The following TNR variants were observed in gnomAD, a reference collection of about 807,000 sequenced individuals.
TNR encodes tenascin-R.
Under a neutral mutation model 150.4 loss-of-function variants are expected in TNR, and 45 were observed. That is an observed-to-expected ratio of 0.30 (90% CI 0.24 to 0.38). The LOEUF is 0.38. TNR is among the 10% of genes least tolerant of loss of function. The probability of loss-of-function intolerance (pLI) is 1.00; values close to 1 mark genes in which losing one functional copy is unlikely to be tolerated. For synonymous variants in TNR, 687 were observed against 678.4 expected, an observed-to-expected ratio of 1.01 and a Z score of -0.20; for missense variants, 1,544 against 1,759.1, an observed-to-expected ratio of 0.88 and a Z score of 2.19.
chr1:175,707,815 G>A (rs1475527351), intron 1 of TNR, among the ~76,000 whole-genome samples: 1 of 152,082 alleles, frequency 6.6e-6, no homozygotes, highest in Non-Finnish European at 1.5e-5. Context: ...AATTATTTAA[G>A]TTAAAATTAT....
rs1557887366 is a variant in TNR at position 175,365,246 on chromosome 1, T to A, written c.2351A>T (p.His784Leu). 1 of 1,612,992 alleles carries A rather than the reference T, an allele frequency of 6.2e-7. No individual in the cohort carries two copies. The highest frequency in any genetic ancestry group is 8.5e-7 in the Non-Finnish European group (1 of 1,179,346). ...FRPISHLHFS[H>L]VTSSSVNITW... ...GATGTTCACACTGGAGGAGGTCACATGAGAAAAGTGCAGATGAGAGATGGG... is the reference window on the plus strand; with the variant it reads ...GATGTTCACACTGGAGGAGGTCACAAGAGAAAAGTGCAGATGAGAGATGGG... Residue 784 changes from histidine to leucine, a missense_variant, in exon 12 of 23, where the codon CAT (histidine) becomes CTT (leucine). By Grantham distance (99) the His-to-Leu change is moderately conservative. Around this residue, in one of 2 missense-constraint regions of TNR, gnomAD observed 1,254 missense variants for 1,329.4 expected, o/e 0.94. Coordinates refer to ENST00000367674, the MANE Select transcript of TNR (RefSeq NM_003285.3).
intron 1 of TNR, among the ~76,000 whole-genome samples, chr1:175,549,685 AG>A (rs1660859355): frequency 6.6e-6 from 1 of 152,162 alleles, no homozygotes; most frequent in Non-Finnish European, 1.5e-5. Flanking sequence ...AATGCAAGAG[AG>A]GTTCTCTGTT....
chr1:175,482,917 C>T (rs1657866196), intron 2 of TNR, among the ~76,000 whole-genome samples: 1 of 152,212 alleles, frequency 6.6e-6, no homozygotes, highest in South Asian at 2.1e-4. Flanking sequence ...GGAAACCTCA[C>T]CTGGTGGGCG....
At chr1:175,603,461 T>C (rs1663314187) in intron 1 of TNR, among the ~76,000 whole-genome samples, 1 of 152,254 alleles carries the variant, frequency 6.6e-6, no homozygotes, top group Non-Finnish European at 1.5e-5. Flanking sequence ...TCCTTCCTTC[T>C]ACTTCTCAGC....
chr1:175,524,362 C>A (rs1277673937), intron 2 of TNR, among the ~76,000 whole-genome samples: 1 of 152,018 alleles, frequency 6.6e-6, no homozygotes, highest in Admixed American at 6.6e-5. Flanking sequence ...GAATGTTCTT[C>A]CCTGGAATCC....
chr1:175,439,594 C>G (rs967027457), intron 2 of TNR, among the ~76,000 whole-genome samples: 4 of 152,178 alleles, frequency 2.6e-5, no homozygotes, highest in African/African-American at 9.7e-5. Flanking sequence ...AGGCAACCTA[C>G]AGAATGGGAG....
intron 1 of TNR, among the ~76,000 whole-genome samples, chr1:175,631,799 G>A (rs186920123): frequency 2.0e-4 from 30 of 152,276 alleles, no homozygotes; most frequent in Admixed American, 1.7e-3. Flanking sequence ...CTAAACATTG[G>A]TTTTCTCAGT....
chr1:175,548,666 A>T (rs938898092), intron 1 of TNR, among the ~76,000 whole-genome samples: 13 of 14,418 alleles, frequency 9.0e-4, no homozygotes, highest in South Asian at 1.9e-3. Context: ...AAGCAAAATT[A>T]AAAAAAAAAA....
At chr1:175,711,431 G>A (rs1667011113) in intron 1 of TNR, among the ~76,000 whole-genome samples, 1 of 152,194 alleles carries the variant, frequency 6.6e-6, no homozygotes, top group African/African-American at 2.4e-5. Context: ...GAGTGAGAGA[G>A]GGTGCAGGCA....
chr1:175,579,423 A>G (rs1662259605), intron 1 of TNR, among the ~76,000 whole-genome samples: 1 of 152,052 alleles, frequency 6.6e-6, no homozygotes, highest in African/African-American at 2.4e-5. Context: ...AGCAGGTTCA[A>G]TACGGAAGAT....
intron 1 of TNR, among the ~76,000 whole-genome samples, chr1:175,635,956 T>C (rs1360373943): frequency 6.6e-6 from 1 of 152,206 alleles, no homozygotes; most frequent in Non-Finnish European, 1.5e-5. Flanking sequence ...GAGAGCTATT[T>C]ATTACATGTA....
chr1:175,383,902 T>C (rs1213888621), intron 8 of TNR, among the ~76,000 whole-genome samples: 1 of 152,122 alleles, frequency 6.6e-6, no homozygotes, highest in Admixed American at 6.5e-5. Flanking sequence ...GAGGCTGTAT[T>C]GAGAAGTCAG....
intron 1 of TNR, among the ~76,000 whole-genome samples, chr1:175,724,914 CA>C (rs1667437864): frequency 6.6e-6 from 1 of 152,036 alleles, no homozygotes; most frequent in African/African-American, 2.4e-5. Context: ...GAACATAGAG[CA>C]GACCCTAGGG....
intron 1 of TNR, among the ~76,000 whole-genome samples, chr1:175,643,366 A>G (rs1369725567): frequency 2.0e-5 from 3 of 152,164 alleles, no homozygotes; most frequent in African/African-American, 7.2e-5. Flanking sequence ...CTTTTAAACC[A>G]TCACTGGGCC....
chr1:175,358,744 A>G (rs1404119966), intron 15 of TNR, among the ~76,000 whole-genome samples: 1 of 152,224 alleles, frequency 6.6e-6, no homozygotes, highest in Admixed American at 6.5e-5. Flanking sequence ...GTTCAACTTC[A>G]AATGGTGTAA....
intron 1 of TNR, among the ~76,000 whole-genome samples, chr1:175,641,876 G>A (rs971407620): frequency 1.3e-5 from 2 of 152,130 alleles, no homozygotes; most frequent in African/African-American, 2.4e-5. Flanking sequence ...ATCAGTACAG[G>A]AAGAAAATGT....
At chr1:175,642,684 CA>C (rs1185041804) in intron 1 of TNR, among the ~76,000 whole-genome samples, 3 of 152,148 alleles carry the variant, frequency 2.0e-5, no homozygotes, top group Admixed American at 2.0e-4. Context: ...GTAATCCCAG[CA>C]CTTTGGGAGG....
At chr1:175,640,775 A>ATGTG (rs147075678) in intron 1 of TNR, among the ~76,000 whole-genome samples, 5 of 150,794 alleles carry the variant, frequency 3.3e-5, no homozygotes. Flanking sequence ...AAATATATAT[A>ATGTG]TGTGTGTGTG....
intron 9 of TNR, among the ~76,000 whole-genome samples, chr1:175,370,839 A>G (rs1156269554): frequency 6.6e-6 from 1 of 152,204 alleles, no homozygotes; most frequent in African/African-American, 2.4e-5. Context: ...TTTCTTATTT[A>G]TGAAGCTTAA....
Sources: allele counts gnomAD v4.1 joint callset (sites outside exome capture counted in the v4.1 genomes callset), GRCh38; gene constraint gnomAD v4.1.1; regional missense constraint gnomAD v4.1.1; transcripts MANE v1.5; gene names NCBI Gene and HGNC (gene_info 2026-07-23, HGNC 2026-07-21).